Variants in IQGAP2 observed in about 807,000 individuals in gnomAD.
The protein encoded by IQGAP2 is IQ motif containing GTPase activating protein 2.
Under a neutral mutation model 201.3 loss-of-function variants are expected in IQGAP2, and 173 were observed. The ratio of observed to expected loss-of-function variants is 0.86; its 90% confidence interval spans 0.76 to 0.98. IQGAP2 has a LOEUF of 0.98. Ranked by LOEUF, IQGAP2 falls within the 50% of genes least tolerant of loss-of-function variation. The probability of loss-of-function intolerance (pLI) is 0.00; values close to 1 mark genes in which losing one functional copy is unlikely to be tolerated. For missense variants in IQGAP2, 1,687 were observed against 1,864.8 expected, an observed-to-expected ratio of 0.90 and a Z score of 1.76; for synonymous variants, 675 against 673.9, an observed-to-expected ratio of 1.00 and a Z score of -0.03.
At chr5:76,452,641 A>C (rs1394066622) in intron 1 of IQGAP2, among the ~76,000 whole-genome samples, 1 of 152,194 alleles carries the variant, frequency 6.6e-6, no homozygotes, top group Non-Finnish European at 1.5e-5. Context: ...GATTAACAAG[A>C]TATCTATAAT....
chr5:76,611,294 A>G (rs1748390856), intron 13 of IQGAP2, 111 bp downstream of exon 13: 12 of 716,264 alleles, frequency 1.7e-5, no homozygotes, highest in Non-Finnish European at 2.5e-5. Flanking sequence ...TCTTGTCCCA[A>G]CAATTACCCA....
intron 1 of IQGAP2, among the ~76,000 whole-genome samples, chr5:76,417,812 G>C (rs1580147097): frequency 6.6e-6 from 1 of 151,294 alleles, no homozygotes. Flanking sequence ...GAACTCCTGA[G>C]CTCAAGTGAT....
intron 22 of IQGAP2, among the ~76,000 whole-genome samples, chr5:76,666,565 A>G (rs952032376): frequency 6.6e-6 from 1 of 152,272 alleles, no homozygotes; most frequent in Non-Finnish European, 1.5e-5. Context: ...TGATCCGCAA[A>G]CAATCCAAAA....
chr5:76,577,554 G>A (rs1200286998), intron 5 of IQGAP2, among the ~76,000 whole-genome samples: 5 of 152,016 alleles, frequency 3.3e-5, no homozygotes, highest in East Asian at 1.9e-4. Context: ...CATTCTCCTC[G>A]CTTTTCTTTG....
chr5:76,548,507 C>T (rs1743234980), intron 2 of IQGAP2, among the ~76,000 whole-genome samples: 1 of 152,200 alleles, frequency 6.6e-6, no homozygotes, highest in Non-Finnish European at 1.5e-5. Context: ...GCCCTGTTCA[C>T]CCTATTAATC....
intron 1 of IQGAP2, among the ~76,000 whole-genome samples, chr5:76,427,308 G>A (rs1046293215): frequency 6.6e-6 from 1 of 152,138 alleles, no homozygotes; most frequent in Non-Finnish European, 1.5e-5. Context: ...GCCTGGCCAA[G>A]CTCCCACCTT....
Position 76,591,816 on chromosome 5 carries a change from C to T in IQGAP2, c.820-1022C>T, listed in dbSNP as rs373919014. Reference sequence around the variant, plus strand: ...CCCATCCCAAATTGGCCTCTCTCCTCCTTCTCCAGATAACTTTGTCTGTGT... The same window carrying T: ...CCCATCCCAAATTGGCCTCTCTCCTTCTTCTCCAGATAACTTTGTCTGTGT... On this transcript the variant is annotated intron_variant, in intron 8 of 35. Coordinates refer to ENST00000274364, the MANE Select transcript of IQGAP2 (RefSeq NM_006633.5). Among the ~76,000 whole-genome samples, 5 of 152,328 alleles carry T rather than the reference C, an allele frequency of 3.3e-5. No individual in the cohort carries two copies. The East Asian group carries it at 5.8e-4, about 18-fold the overall frequency.
chr5:76,646,168 G>C lies in IQGAP2; in HGVS notation c.2094+5065G>C, dbSNP rs115794209. Among the ~76,000 whole-genome samples the C allele has an allele frequency of 8.7e-3, 1,319 of 152,202 alleles. 21 individuals carry two copies. Among genetic ancestry groups the C allele is most frequent in the African/African-American group, 0.03 (1,226 of 41,530 alleles). ...ATCACAACACATGTTTTACTGGTTG[G>C]ACTGCCATGGAATCCCAGTGACCCA... On this transcript the variant is annotated intron_variant, in intron 17 of 35. Transcript: ENST00000274364.
chr5:76,530,132 C>T (rs112492927), intron 2 of IQGAP2, among the ~76,000 whole-genome samples: 152 of 152,186 alleles, frequency 1.0e-3, no homozygotes, highest in African/African-American at 3.4e-3. Context: ...TGAAAGCAGC[C>T]ATAGGCCATA....
intron 2 of IQGAP2, among the ~76,000 whole-genome samples, chr5:76,494,605 T>TTA (rs754448222): frequency 6.6e-6 from 1 of 152,238 alleles, no homozygotes; most frequent in Non-Finnish European, 1.5e-5. Context: ...GAATACAAGA[T>TTA]GGAAAAGAAT....
chr5:76,440,712 G>A (rs1752974214), intron 1 of IQGAP2, among the ~76,000 whole-genome samples: 1 of 152,146 alleles, frequency 6.6e-6, no homozygotes, highest in African/African-American at 2.4e-5. Context: ...AACCAGAGAT[G>A]GCTTGAGACA....
At chr5:76,419,502 A>G (rs1047602473) in intron 1 of IQGAP2, among the ~76,000 whole-genome samples, 1 of 151,814 alleles carries the variant, frequency 6.6e-6, no homozygotes, top group African/African-American at 2.4e-5. Context: ...ACACCTGGCT[A>G]ATTTTTTGTA....
At chr5:76,418,235 T>A (rs1314729760) in intron 1 of IQGAP2, among the ~76,000 whole-genome samples, 2 of 150,784 alleles carry the variant, frequency 1.3e-5, no homozygotes, top group African/African-American at 4.9e-5. Context: ...AAGATTTTCC[T>A]TTCTCCTTCA....
At position 76,544,691 on chromosome 5, in the gene IQGAP2, T is replaced by A. The variant is rs141540883; in HGVS notation, c.147-17705T>A. Among the ~76,000 whole-genome samples the A allele has an allele frequency of 2.2e-3, 339 of 152,134 alleles. 2 individuals are homozygous for A. The highest frequency in any genetic ancestry group is 4.0e-3 in the Non-Finnish European group (273 of 67,964). ...GTGGTTGCTTAATTAAGTGCTTTAA[T>A]TTTTTTTGGTCATATATACACGTGG... On this transcript the variant is annotated intron_variant, in intron 2 of 35. Transcript: ENST00000274364.
At chr5:76,661,911 AGGT>A (rs1312970351) in intron 21 of IQGAP2, among the ~76,000 whole-genome samples, 1 of 152,226 alleles carries the variant, frequency 6.6e-6, no homozygotes, top group Non-Finnish European at 1.5e-5. Flanking sequence ...GCAAGGGGAA[AGGT>A]GGTGGCAAAA....
At chr5:76,511,632 C>CA (rs1319468338) in intron 2 of IQGAP2, among the ~76,000 whole-genome samples, 1 of 149,828 alleles carries the variant, frequency 6.7e-6, no homozygotes, top group Non-Finnish European at 1.5e-5. Flanking sequence ...CCCATTTAAA[C>CA]AAAAAAAGGA....
chr5:76,644,307 T>TTTTTTTTTTTTTTTTTTTG (rs1751850894), intron 17 of IQGAP2, among the ~76,000 whole-genome samples: 1 of 109,594 alleles, frequency 9.1e-6, no homozygotes, highest in Non-Finnish European at 2.0e-5. Flanking sequence ...TTTTTTTTTT[T>TTTTTTTTTTTTTTTTTTTG]TTTTTTTTTT....
At chr5:76,441,745 G>A (rs1753052849) in intron 1 of IQGAP2, among the ~76,000 whole-genome samples, 1 of 152,158 alleles carries the variant, frequency 6.6e-6, no homozygotes, top group Non-Finnish European at 1.5e-5. Flanking sequence ...GCATGTAAAA[G>A]ATATCAAAAC....
At chr5:76,634,448 C>T (rs190971741) in intron 15 of IQGAP2, among the ~76,000 whole-genome samples, 22 of 151,986 alleles carry the variant, frequency 1.4e-4, no homozygotes, top group African/African-American at 3.6e-4. Flanking sequence ...TTAGTAGAGA[C>T]GGGGTTTCAC....
Sources: gnomAD v4.1 joint callset for allele counts (sites outside exome capture counted in the v4.1 genomes callset) on GRCh38, gnomAD v4.1.1 for gene constraint, MANE v1.5 for transcripts, NCBI Gene and HGNC (gene_info 2026-07-23, HGNC 2026-07-21) for gene names.